The following COL5A2 variants were observed in gnomAD, a reference collection of about 807,000 sequenced individuals.
COL5A2 encodes the protein collagen type V alpha 2 chain.
A neutral mutation model predicts 208.2 loss-of-function variants in COL5A2; 23 were observed. The ratio of observed to expected loss-of-function variants is 0.11; its 90% CI spans 0.08 to 0.16. COL5A2 has a LOEUF of 0.16. Among genes scored for constraint, COL5A2 ranks in the 10% least tolerant of loss-of-function variants. COL5A2 has a pLI of 1.00. For synonymous variants in COL5A2, 625 were observed against 628.5 expected (o/e 0.99, Z 0.08); for missense variants, 1,590 against 1,956.4 (o/e 0.81, Z 3.53).
At chr2:189,129,890 A>T (rs1166677283) in intron 1 of COL5A2, among the ~76,000 whole-genome samples, 1 of 152,070 alleles carries the variant, frequency 6.6e-6, no homozygotes, top group Non-Finnish European at 1.5e-5. Flanking sequence ...TGCCTGCAGC[A>T]GTTATAAATT....
At chr2:189,435,337 A>C in the COL5A2 span, among the ~76,000 whole-genome samples, 3 of 152,250 alleles carry the variant, frequency 2.0e-5, no homozygotes, top group Non-Finnish European at 4.4e-5. Flanking sequence ...GGATCTAATT[A>C]AACTAAAGAG....
At chr2:189,039,251 A>G (rs771312638) in intron 51 of COL5A2, 21 bp downstream of exon 51, 18 of 1,613,156 alleles carry the variant, frequency 1.1e-5, no homozygotes, top group Middle Eastern at 1.6e-4. Context: ...GTTTTGCTCA[A>G]ATGGGCTGCT....
At chr2:189,242,902 C>T in the COL5A2 span, among the ~76,000 whole-genome samples, 6 of 152,104 alleles carry the variant, frequency 3.9e-5, no homozygotes, top group Non-Finnish European at 8.8e-5. Flanking sequence ...CCTAGCCAGT[C>T]CAATCCCTTG....
At chr2:189,150,777 A>G (rs1238973635) in intron 1 of COL5A2, among the ~76,000 whole-genome samples, 1 of 152,186 alleles carries the variant, frequency 6.6e-6, no homozygotes, top group African/African-American at 2.4e-5. Flanking sequence ...TAATTTATAC[A>G]GAGCATCAGA....
chr2:189,068,953 C>T, intron 18 of COL5A2, 69 bp from the exon 19 acceptor site: 1 of 1,116,988 alleles, frequency 9.0e-7, no homozygotes, highest in Non-Finnish European at 1.4e-6. Flanking sequence ...AAGTTGACCG[C>T]TTATTTGGAA....
At chr2:189,103,857 C>G (rs750148236) in intron 3 of COL5A2, among the ~76,000 whole-genome samples, 13 of 151,910 alleles carry the variant, frequency 8.6e-5, no homozygotes, top group Admixed American at 2.0e-4. Context: ...TTCTTCGTTC[C>G]TTCCTTCCTT....
At chr2:189,057,213 G>C (rs1047785831) in intron 34 of COL5A2, 107 bp downstream of exon 34, 29 of 999,824 alleles carry the variant, frequency 2.9e-5, no homozygotes, top group Admixed American at 6.4e-5. Flanking sequence ...TGAATGACTA[G>C]TGACTCAGGA....
At position 189,057,402 on chromosome 2, in the gene COL5A2, G is replaced by A; in HGVS notation, c.2255C>T (p.Pro752Leu). 1.2e-6 allele frequency: 2 copies of A among 1,613,272 alleles called. No homozygotes were observed. The highest frequency in any genetic ancestry group is 1.7e-5 in the Admixed American group (1 of 59,932). The change falls in exon 34 of 54, where the codon CCT (proline) becomes CTT (leucine). Residue 752 changes from proline to leucine, a missense_variant. Transcript: ENST00000374866. ...PKGSPGPSGT[P>L]GDTGPPGLQG... ...AAGACCTGGTGGGCCTGTATCTCCA[G>A]GGGTCCCAGATGGACCTGGACTGCC... is the stretch of plus-strand genomic sequence containing the variant.
chr2:189,312,076 C>T, the COL5A2 span: 34 of 771,688 alleles, frequency 4.4e-5, no homozygotes, highest in African/African-American at 6.8e-5. Context: ...TGGGCATTGT[C>T]GATCTGCAGA....
At chr2:189,164,659 C>G (rs570701786) in intron 1 of COL5A2, among the ~76,000 whole-genome samples, 25 of 152,076 alleles carry the variant, frequency 1.6e-4, no homozygotes, top group Non-Finnish European at 2.5e-4. Context: ...ATAATAACAC[C>G]TTTATGTAAT....
intron 1 of COL5A2, among the ~76,000 whole-genome samples, chr2:189,189,003 T>C (rs1688890857): frequency 6.6e-6 from 1 of 152,208 alleles, no homozygotes; most frequent in Middle Eastern, 3.2e-3. Context: ...TTTTGCAGAT[T>C]TATAGAATTT....
the COL5A2 span, among the ~76,000 whole-genome samples, chr2:189,288,607 C>A: frequency 2.2e-4 from 33 of 152,064 alleles, no homozygotes; most frequent in African/African-American, 7.7e-4. Flanking sequence ...AAGCCTAGAG[C>A]CTCGTGGCTT....
At chr2:189,128,126 C>T (rs1209885664) in intron 1 of COL5A2, among the ~76,000 whole-genome samples, 1 of 152,040 alleles carries the variant, frequency 6.6e-6, no homozygotes, top group Non-Finnish European at 1.5e-5. Flanking sequence ...CACAGCAATA[C>T]ACCTGTATTT....
chr2:189,218,237 T>C (rs570055920), intron 1 of COL5A2, among the ~76,000 whole-genome samples: 5 of 152,326 alleles, frequency 3.3e-5, no homozygotes, highest in African/African-American at 1.2e-4. Flanking sequence ...AACCTCAGAA[T>C]GTGACCTTAT....
At chr2:189,309,200 A>G in the COL5A2 span, among the ~76,000 whole-genome samples, 1 of 152,206 alleles carries the variant, frequency 6.6e-6, no homozygotes, top group African/African-American at 2.4e-5. Flanking sequence ...TTTCTCTAAA[A>G]TAATAATTGG....
At chr2:189,164,234 C>A (rs192499291) in intron 1 of COL5A2, among the ~76,000 whole-genome samples, 35 of 152,302 alleles carry the variant, frequency 2.3e-4, no homozygotes, top group African/African-American at 7.9e-4. Flanking sequence ...TTGAGACAAG[C>A]TTCCTGATGC....
chr2:189,124,192 A>T (rs1687564087), intron 1 of COL5A2, among the ~76,000 whole-genome samples: 1 of 152,040 alleles, frequency 6.6e-6, no homozygotes, highest in Non-Finnish European at 1.5e-5. Context: ...AAGATTGCGA[A>T]CCCCATTCTT....
chr2:189,064,913 C>T, intron 24 of COL5A2, 91 bp downstream of exon 24: 5 of 1,218,314 alleles, frequency 4.1e-6, no homozygotes, highest in Non-Finnish European at 6.0e-6. Context: ...GATCTGAGCC[C>T]ATGCAGGCCA....
chr2:189,296,463 A>C, the COL5A2 span, among the ~76,000 whole-genome samples: 1 of 152,180 alleles, frequency 6.6e-6, no homozygotes, highest in Non-Finnish European at 1.5e-5. Flanking sequence ...TTCTCTTAAC[A>C]ATAGATCACA....
Sources: gnomAD v4.1 joint callset for allele counts (sites outside exome capture counted in the v4.1 genomes callset) on GRCh38, gnomAD v4.1.1 for gene constraint, MANE v1.5 for transcripts, NCBI Gene and HGNC (gene_info 2026-07-23, HGNC 2026-07-21) for gene names.